The following OSBPL6 variants were observed in gnomAD, a reference collection of about 807,000 sequenced individuals.
OSBPL6 encodes oxysterol binding protein like 6.
In OSBPL6, 49 loss-of-function variants were observed where a neutral mutation model predicts 125.8. The observed-to-expected ratio is 0.39, with a 90% CI of 0.31 to 0.49. The LOEUF is 0.49. Ranked by LOEUF, OSBPL6 falls within the 20% of genes least tolerant of loss-of-function variation. OSBPL6 has a pLI of 0.88. For missense variants in OSBPL6, 986 were observed against 1,135.4 expected (o/e 0.87, Z 1.89); for synonymous variants, 394 against 391.8 (o/e 1.01, Z -0.07).
intron 1 of OSBPL6, 116 bp from the exon 2 acceptor site, chr2:178,284,811 T>A: frequency 2.6e-6 from 1 of 380,624 alleles, no homozygotes; most frequent in Middle Eastern, 6.7e-4. Flanking sequence ...CATATGAACT[T>A]CCTGTTCAAA....
intron 1 of OSBPL6, among the ~76,000 whole-genome samples, chr2:178,257,788 T>A (rs1387214082): frequency 2.1e-5 from 3 of 146,080 alleles, no homozygotes; most frequent in East Asian, 2.0e-4. Context: ...TTGTCTATAT[T>A]TTTTTAATTC....
In OSBPL6 at chr2:178,383,137, A is replaced by C; in HGVS notation, c.1735A>C (p.Ile579Leu). The C allele has an allele frequency of 6.2e-7, 1 of 1,614,178 alleles. No individual in the cohort carries two copies. The highest frequency in any genetic ancestry group is 1.1e-5 in the South Asian group (1 of 91,082). Residue 579 changes from isoleucine (I) to leucine (L), a missense_variant, in exon 17 of 25, where the codon ATT becomes CTT. This residue lies in a region of OSBPL6 where 843 missense variants were observed against 997.3 expected (regional missense o/e 0.85). Transcript: ENST00000190611. Reference sequence around the variant, plus strand: ...CCTGTGGAATATCTTGAGGAACAACATTGGTAAAGACCTGTCTAAAGTCTC... The same window carrying C: ...CCTGTGGAATATCTTGAGGAACAACCTTGGTAAAGACCTGTCTAAAGTCTC... ...INLWNILRNN[I>L]GKDLSKVSMP...
intron 1 of OSBPL6, among the ~76,000 whole-genome samples, chr2:178,244,147 A>G (rs892134560): frequency 6.6e-6 from 1 of 152,086 alleles, no homozygotes; most frequent in African/African-American, 2.4e-5. Flanking sequence ...GTCTGGTTTA[A>G]ATTCCTGGCA....
At chr2:178,226,526 G>A (rs986908173) in intron 1 of OSBPL6, among the ~76,000 whole-genome samples, 1 of 152,214 alleles carries the variant, frequency 6.6e-6, no homozygotes, top group African/African-American at 2.4e-5. Flanking sequence ...GGAAGCATAA[G>A]CATTTGGAAA....
intron 13 of OSBPL6, among the ~76,000 whole-genome samples, chr2:178,370,427 G>A (rs1693268197): frequency 6.6e-6 from 1 of 152,198 alleles, no homozygotes; most frequent in African/African-American, 2.4e-5. Flanking sequence ...CAACAAAGAA[G>A]AAATCAGCAT....
intron 1 of OSBPL6, among the ~76,000 whole-genome samples, chr2:178,262,644 C>T (rs750871113): frequency 2.6e-5 from 4 of 152,100 alleles, no homozygotes; most frequent in Non-Finnish European, 4.4e-5. Context: ...TTTGATATTT[C>T]GACAGGAAGT....
At chr2:178,193,795 G>A (rs935741911), upstream of OSBPL6, among the ~76,000 whole-genome samples, 6 of 152,232 alleles carry the variant, frequency 3.9e-5, no homozygotes, top group African/African-American at 1.4e-4. Flanking sequence ...GGGTTGTAGT[G>A]AGGCGGGACT....
intron 2 of OSBPL6, among the ~76,000 whole-genome samples, chr2:178,293,448 T>C (rs2154048214): frequency 6.6e-6 from 1 of 152,308 alleles, no homozygotes; most frequent in African/African-American, 2.4e-5. Flanking sequence ...CAAATAGAGT[T>C]AGTTTACGTT....
At position 178,397,821 on chromosome 2, in the gene OSBPL6, C is replaced by T. The variant is rs1695938102; in HGVS notation, c.*2262C>T. 1 of 152,154 alleles carries T rather than the reference C, an allele frequency of 6.6e-6. No homozygotes were observed. Among genetic ancestry groups the T allele is most frequent in the African/African-American group, 2.4e-5 (1 of 41,428 alleles). 9.4% of individuals were successfully genotyped at this position (152,154 alleles called of 1,614,324 possible). On this transcript the variant is annotated 3_prime_UTR_variant, in exon 25 of 25. Coordinates refer to ENST00000190611, the MANE Select transcript of OSBPL6 (RefSeq NM_032523.4). ...AATAGTAGAAAGGATCTTTACCAGA[C>T]AGTAAGGTCATGGTACAAATCAGGT...
intron 14 of OSBPL6, 136 bp from the exon 15 acceptor site, chr2:178,373,754 A>T: frequency 9.9e-7 from 1 of 1,013,904 alleles, no homozygotes; most frequent in Non-Finnish European, 1.4e-6. Flanking sequence ...ATCATTGCTG[A>T]ATTGCAAGTG....
At chr2:178,204,316 G>A (rs1056858404) in intron 1 of OSBPL6, among the ~76,000 whole-genome samples, 6 of 152,188 alleles carry the variant, frequency 3.9e-5, no homozygotes, top group Admixed American at 3.9e-4. Context: ...GAGCCACCCT[G>A]CCCGGCCTCA....
Position 178,339,067 on chromosome 2 carries a change from G to A in OSBPL6, c.867G>A (p.Gln289=), listed in dbSNP as rs1330877285. 2 of 1,612,442 alleles carry A rather than the reference G, an allele frequency of 1.2e-6. No individual in the cohort carries two copies. Among genetic ancestry groups the A allele is most frequent in the Non-Finnish European group, 1.7e-6 (2 of 1,178,752 alleles). ...ATTTGGAAATACTTCAGAGAACTCA[G>A]TCGGCACCTAACTTTACTGACATGC... ...LQNLEILQRT[Q]SAPNFTDMQA... The change falls in exon 10 of 25, where the codon CAG becomes CAA. Residue 289 remains glutamine (Q), a synonymous_variant. Coordinates refer to ENST00000190611, the MANE Select transcript of OSBPL6 (RefSeq NM_032523.4).
intron 1 of OSBPL6, among the ~76,000 whole-genome samples, chr2:178,205,888 CTT>C (rs775281724): frequency 1.3e-5 from 2 of 152,184 alleles, no homozygotes; most frequent in Non-Finnish European, 2.9e-5. Flanking sequence ...ATTTGTCACA[CTT>C]TAGAAGCATT....
chr2:178,207,415 A>T (rs1037337572), intron 1 of OSBPL6, among the ~76,000 whole-genome samples: 6 of 152,194 alleles, frequency 3.9e-5, no homozygotes, highest in Non-Finnish European at 5.9e-5. Flanking sequence ...ATCCAGGATA[A>T]GCACCTCCTC....
Position 178,373,875 on chromosome 2 carries a change from T to G in OSBPL6, c.1396-15T>G. The G allele has an allele frequency of 6.2e-7, 1 of 1,613,856 alleles. No homozygotes were observed. Among genetic ancestry groups the G allele is most frequent in the Non-Finnish European group, 8.5e-7 (1 of 1,179,890 alleles). On this transcript the variant is annotated splice_polypyrimidine_tract_variant and intron_variant, in intron 14 of 24. Transcript: ENST00000190611. Reference sequence around the variant, plus strand: ...GGAGAAAAGCAATTACACTGTATGCTTCTGTCTTCTGCAGGCTGGTGAGCA... The same window carrying G: ...GGAGAAAAGCAATTACACTGTATGCGTCTGTCTTCTGCAGGCTGGTGAGCA...
intron 15 of OSBPL6, among the ~76,000 whole-genome samples, chr2:178,379,354 GGGGAA>G: frequency 7.8e-6 from 1 of 128,810 alleles, no homozygotes; most frequent in Non-Finnish European, 1.7e-5. Flanking sequence ...GAGGGAGGGA[GGGGAA>G]GGAAGGAAAG....
intron 1 of OSBPL6, among the ~76,000 whole-genome samples, chr2:178,226,010 C>T (rs1229638404): frequency 1.3e-5 from 2 of 152,134 alleles, no homozygotes; most frequent in African/African-American, 4.8e-5. Context: ...AGGGAACCCC[C>T]AAAGGAAGGC....
chr2:178,208,007 G>T (rs2089628819), intron 1 of OSBPL6, among the ~76,000 whole-genome samples: 1 of 152,152 alleles, frequency 6.6e-6, no homozygotes, highest in African/African-American at 2.4e-5. Flanking sequence ...GTGCCGGGCT[G>T]GGCATGGTGG....
At chr2:178,296,266 T>TAGTA (rs1214849023) in intron 2 of OSBPL6, among the ~76,000 whole-genome samples, 1 of 152,172 alleles carries the variant, frequency 6.6e-6, no homozygotes, top group Non-Finnish European at 1.5e-5. Context: ...AGAACCTATG[T>TAGTA]AGTAGATGAT....
Sources: gnomAD v4.1 joint callset for allele counts (sites outside exome capture counted in the v4.1 genomes callset) on GRCh38, gnomAD v4.1.1 for gene constraint, gnomAD v4.1.1 regional missense constraint, MANE v1.5 for transcripts, NCBI Gene and HGNC (gene_info 2026-07-23, HGNC 2026-07-21) for gene names.